RABL3: variants seen among roughly 807,000 people sequenced by gnomAD.
RABL3 encodes rab-like protein 3.
A neutral mutation model predicts 31.8 loss-of-function variants in RABL3; 31 were observed. That is an observed-to-expected ratio of 0.97 (90% confidence interval 0.73 to 1.31). The LOEUF (loss-of-function observed/expected upper bound fraction) is 1.31. Among genes scored for constraint, RABL3 ranks in the 40% most tolerant of loss-of-function variants. The pLI is 0.00. For synonymous variants in RABL3, 97 were observed against 99.9 expected, an observed-to-expected ratio of 0.97 and a Z score of 0.18; for missense variants, 263 against 279.6, an observed-to-expected ratio of 0.94 and a Z score of 0.42.
chr3:120,696,138 A>C (rs1172714749), intron 5 of RABL3, among the ~76,000 whole-genome samples: 3 of 152,210 alleles, frequency 2.0e-5, no homozygotes, highest in African/African-American at 7.2e-5. Flanking sequence ...GGATTTTAGA[A>C]AATAAGTAAT....
chr3:120,735,997 G>T (rs962032100), intron 1 of RABL3, among the ~76,000 whole-genome samples: 1 of 152,194 alleles, frequency 6.6e-6, no homozygotes, highest in South Asian at 2.1e-4. Context: ...GTGTGATGTG[G>T]TGCTGAGAAG....
At chr3:120,719,580 G>A (rs1708712070) in intron 2 of RABL3, among the ~76,000 whole-genome samples, 1 of 152,176 alleles carries the variant, frequency 6.6e-6, no homozygotes, top group African/African-American at 2.4e-5. Flanking sequence ...AGGGTCCTAC[G>A]CCCACGAAGC....
At chr3:120,717,357 G>GTCCC (rs1205091968) in intron 2 of RABL3, among the ~76,000 whole-genome samples, 1 of 151,620 alleles carries the variant, frequency 6.6e-6, no homozygotes, top group Non-Finnish European at 1.5e-5. Flanking sequence ...TTCAGCCCAT[G>GTCCC]TCCCATTCTT....
intron 4 of RABL3, 41 bp downstream of exon 4, chr3:120,705,959 G>A (rs1172322257): frequency 8.6e-7 from 1 of 1,163,792 alleles, no homozygotes; most frequent in Non-Finnish European, 1.3e-6. Context: ...ACATTCCTGT[G>A]ATTGCTACAA....
chr3:120,741,503 G>A (rs1709042375), intron 1 of RABL3, among the ~76,000 whole-genome samples: 1 of 152,128 alleles, frequency 6.6e-6, no homozygotes, highest in African/African-American at 2.4e-5. Flanking sequence ...AACTCCAGAG[G>A]AGCGCTTCTA....
chr3:120,737,238 T>C (rs1305223484), intron 1 of RABL3, among the ~76,000 whole-genome samples: 1 of 152,214 alleles, frequency 6.6e-6, no homozygotes, highest in African/African-American at 2.4e-5. Flanking sequence ...TACTCTTTTT[T>C]CTCTAAACTT....
intron 1 of RABL3, among the ~76,000 whole-genome samples, chr3:120,738,122 C>T (rs1009054549): frequency 6.6e-6 from 1 of 152,226 alleles, no homozygotes; most frequent in African/African-American, 2.4e-5. Context: ...TACAGAGGCA[C>T]ACAGGCCTCC....
At chr3:120,715,003 GC>G (rs1708651927) in intron 2 of RABL3, among the ~76,000 whole-genome samples, 1 of 152,172 alleles carries the variant, frequency 6.6e-6, no homozygotes, top group South Asian at 2.1e-4. Context: ...TTCCAGGACA[GC>G]TCCAGGTGGC....
At chr3:120,694,564 CAG>C (rs948182162) in intron 5 of RABL3, among the ~76,000 whole-genome samples, 1 of 151,668 alleles carries the variant, frequency 6.6e-6, no homozygotes. Flanking sequence ...CCCCGAAAAC[CAG>C]AGAGAGAGAG....
Position 120,687,061 on chromosome 3 carries a change from T to A in RABL3, c.*2762A>T, listed in dbSNP as rs1708317001. 1 of 152,104 alleles carries A rather than the reference T, an allele frequency of 6.6e-6. No homozygotes were observed. Among genetic ancestry groups the A allele is most frequent in the African/African-American group, 2.4e-5 (1 of 41,394 alleles). The allele number at this position is 152,104 out of a possible 1,614,324, so 9.4% of individuals were successfully genotyped here. On this transcript the variant is annotated 3_prime_UTR_variant, in exon 8 of 8. Transcript: ENST00000273375. ...AATAACAGGGTGCAATATTTTGGGG[T>A]TATGTGTCCTGAATCCCATCAACGT...
At chr3:120,691,185 G>A (rs1708376126) in intron 6 of RABL3, among the ~76,000 whole-genome samples, 1 of 152,102 alleles carries the variant, frequency 6.6e-6, no homozygotes, top group African/African-American at 2.4e-5. Flanking sequence ...AAGTTTAAGA[G>A]CACCATGTTT....
At chr3:120,740,902 A>G (rs912863053) in intron 1 of RABL3, among the ~76,000 whole-genome samples, 1 of 152,192 alleles carries the variant, frequency 6.6e-6, no homozygotes, top group Non-Finnish European at 1.5e-5. Context: ...CAATTGCCTG[A>G]TTACTTTTCC....
chr3:120,734,062 GT>G (rs1233891762), intron 1 of RABL3, among the ~76,000 whole-genome samples: 1 of 148,874 alleles, frequency 6.7e-6, no homozygotes, highest in Non-Finnish European at 1.5e-5. Flanking sequence ...GTGAACTTTA[GT>G]TTTTTCCAAT....
intron 2 of RABL3, among the ~76,000 whole-genome samples, chr3:120,718,137 C>A (rs1200976704): frequency 6.6e-6 from 1 of 152,164 alleles, no homozygotes; most frequent in Non-Finnish European, 1.5e-5. Flanking sequence ...TGGAATCTTA[C>A]TCCATGGTTA....
intron 1 of RABL3, among the ~76,000 whole-genome samples, chr3:120,734,610 T>C (rs1024118566): frequency 6.6e-5 from 10 of 152,306 alleles, no homozygotes; most frequent in South Asian, 2.1e-4. Context: ...GAGGGCATCC[T>C]TGTCTTGTGC....
chr3:120,705,047 A>G (rs770127466), intron 4 of RABL3, among the ~76,000 whole-genome samples: 9 of 152,068 alleles, frequency 5.9e-5, no homozygotes, highest in Non-Finnish European at 1.2e-4. Flanking sequence ...AACAAAACAA[A>G]AAAACAATTT....
At chr3:120,705,136 C>A (rs1708534212) in intron 4 of RABL3, among the ~76,000 whole-genome samples, 1 of 152,038 alleles carries the variant, frequency 6.6e-6, no homozygotes, top group Non-Finnish European at 1.5e-5. Flanking sequence ...GAAAACTACA[C>A]AATGCTGGTA....
intron 4 of RABL3, among the ~76,000 whole-genome samples, chr3:120,703,463 T>C (rs917413844): frequency 5.9e-5 from 9 of 152,032 alleles, no homozygotes; most frequent in Non-Finnish European, 1.0e-4. Context: ...ATTTATAGCA[T>C]TAAAATACTT....
At chr3:120,716,982 G>A (rs995883368) in intron 2 of RABL3, among the ~76,000 whole-genome samples, 4 of 152,188 alleles carry the variant, frequency 2.6e-5, no homozygotes, top group African/African-American at 9.7e-5. Context: ...GCCAGGCATG[G>A]TGGCTCACTC....
Sources: gnomAD v4.1 joint callset for allele counts (sites outside exome capture counted in the v4.1 genomes callset) on GRCh38, gnomAD v4.1.1 for gene constraint, MANE v1.5 for transcripts, NCBI Gene and HGNC (gene_info 2026-07-23, HGNC 2026-07-21) for gene names.